The following SORBS2 variants were observed in gnomAD, a reference collection of about 807,000 sequenced individuals.
SORBS2 encodes the protein sorbin and SH3 domain containing 2, also known as sorbin and SH3 domain-containing protein 2.
A neutral mutation model predicts 97.7 loss-of-function variants in SORBS2; 46 were observed. That is an observed-to-expected ratio of 0.47 (90% confidence interval 0.37 to 0.60). The LOEUF (loss-of-function observed/expected upper bound fraction) is 0.60. Ranked by LOEUF, SORBS2 falls within the 20% of genes least tolerant of loss-of-function variation. SORBS2 has a pLI of 0.00. For missense variants in SORBS2, 1,316 were observed against 1,282.3 expected (o/e 1.03, Z -0.40); for synonymous variants, 476 against 473.4 (o/e 1.01, Z -0.07).
chr4:185,659,998 C>G (rs978691346), upstream of SORBS2, among the ~76,000 whole-genome samples: 2 of 152,156 alleles, frequency 1.3e-5, no homozygotes, highest in African/African-American at 4.8e-5. Flanking sequence ...GTCATCTTAG[C>G]AATCTTTTGT....
At chr4:185,718,248 A>C (rs2098482752) in intron 2 of SORBS2, among the ~76,000 whole-genome samples, 1 of 152,246 alleles carries the variant, frequency 6.6e-6, no homozygotes, top group Admixed American at 6.5e-5. Context: ...AAAAGAAAAT[A>C]TGTAATATAC....
At chr4:185,752,931 T>C (rs1157478738) in intron 2 of SORBS2, among the ~76,000 whole-genome samples, 3 of 152,234 alleles carry the variant, frequency 2.0e-5, no homozygotes, top group Non-Finnish European at 4.4e-5. Flanking sequence ...TTCACAATAG[T>C]TGATCTTTAA....
At chr4:185,654,999 A>C (rs2097373859) in intron 1 of SORBS2, among the ~76,000 whole-genome samples, 1 of 152,188 alleles carries the variant, frequency 6.6e-6, no homozygotes, top group African/African-American at 2.4e-5. Flanking sequence ...ATACTCAAAC[A>C]AGTGTTATAT....
chr4:185,830,557 A>G (rs894161948), intron 1 of SORBS2, among the ~76,000 whole-genome samples: 1 of 152,230 alleles, frequency 6.6e-6, no homozygotes, highest in Non-Finnish European at 1.5e-5. Flanking sequence ...AAGTGCAACC[A>G]AATTAAGAAA....
chr4:185,632,625 G>T (rs941424562), intron 4 of SORBS2, among the ~76,000 whole-genome samples: 3 of 152,178 alleles, frequency 2.0e-5, no homozygotes, highest in Non-Finnish European at 4.4e-5. Context: ...CACGGCTTTC[G>T]TGGGACACCC....
chr4:185,635,377 T>C (rs1251341130), intron 4 of SORBS2: 3 of 1,613,608 alleles, frequency 1.9e-6, no homozygotes, highest in East Asian at 2.2e-5. Context: ...ACCAGAAGAA[T>C]GATCTTGAAC....
At chr4:185,611,528 CTCTT>C (rs1204328388) in intron 12 of SORBS2, among the ~76,000 whole-genome samples, 1 of 152,066 alleles carries the variant, frequency 6.6e-6, no homozygotes, top group Non-Finnish European at 1.5e-5. Flanking sequence ...CTCTCGTTTT[CTCTT>C]TCTCTTTCGA....
At chr4:185,840,020 A>G (rs912529507) in intron 1 of SORBS2, among the ~76,000 whole-genome samples, 3 of 152,052 alleles carry the variant, frequency 2.0e-5, no homozygotes, top group Non-Finnish European at 2.9e-5. Flanking sequence ...GTGGAAAGAG[A>G]GGAGAGGAGC....
rs115624574 is a variant in SORBS2, at chr4:185,759,302, G to A, written c.-198+15925C>T. ...AGGATTTTCCAATTACCAACCAGAAGGAGTTGCTTGCTCTTGCCTCAGTGA... is the reference window on the plus strand; with the variant it reads ...AGGATTTTCCAATTACCAACCAGAAAGAGTTGCTTGCTCTTGCCTCAGTGA... On this transcript the variant is annotated intron_variant, in intron 2 of 20. Transcript: ENST00000284776. 1.5e-3 allele frequency among the ~76,000 whole-genome samples: 230 copies of A among 152,320 alleles called. 1 individual carries two copies. The highest frequency in any genetic ancestry group is 3.6e-3 in the African/African-American group (150 of 41,580).
At chr4:185,612,125 A>G (rs893393043) in intron 11 of SORBS2, 145 bp from the exon 24 acceptor site, 1 of 618,866 alleles carries the variant, frequency 1.6e-6, no homozygotes, top group Admixed American at 2.8e-5. Context: ...GAGGGCAAGT[A>G]AGGTACTAGT....
intron 4 of SORBS2, among the ~76,000 whole-genome samples, chr4:185,674,358 G>A (rs2097763334): frequency 6.6e-6 from 1 of 152,072 alleles, no homozygotes. Flanking sequence ...CTGTTTGCTT[G>A]ACTTTCAAAA....
At chr4:185,868,436 A>G (rs770971325) in intron 1 of SORBS2, among the ~76,000 whole-genome samples, 14 of 151,808 alleles carry the variant, frequency 9.2e-5, no homozygotes, top group South Asian at 4.2e-4. Flanking sequence ...GATTACAGGC[A>G]TGAGCCACCG....
chr4:185,692,422 T>C (rs1027809821), intron 2 of SORBS2, among the ~76,000 whole-genome samples: 3 of 152,240 alleles, frequency 2.0e-5, no homozygotes, highest in African/African-American at 7.2e-5. Flanking sequence ...TAAAGATTTT[T>C]TAGTCTCTAA....
intron 1 of SORBS2, among the ~76,000 whole-genome samples, chr4:185,864,544 G>T (rs1360986199): frequency 6.6e-6 from 1 of 152,184 alleles, no homozygotes; most frequent in East Asian, 1.9e-4. Flanking sequence ...TAATTTTAAA[G>T]ATTTGGGAAG....
chr4:185,728,290 T>C (rs1198255351), intron 2 of SORBS2, among the ~76,000 whole-genome samples: 1 of 152,102 alleles, frequency 6.6e-6, no homozygotes, highest in Non-Finnish European at 1.5e-5. Context: ...CTACCGTCTG[T>C]TACTTAGGCA....
In SORBS2 at chr4:185,623,616, C is replaced by G. The variant is rs1335019075; in HGVS notation, c.1513G>C (p.Asp505His). 6.2e-7 allele frequency: 1 copy of G among 1,614,092 alleles called. No homozygotes were observed. Among genetic ancestry groups the G allele is most frequent in the East Asian group, 2.2e-5 (1 of 44,860 alleles). ...TCACTGTGGTCGGACACAACCCCGT[C>G]CTGGTCGCTGTCGGAAAACTCCACG... The change falls in exon 7 of 15, where the codon GAC becomes CAC. Residue 505 changes from aspartate to histidine, a missense_variant. Coordinates refer to ENST00000418609, the Ensembl canonical transcript of SORBS2. This position sits in a 1 kb window ranked among gnomAD's most constrained non-coding sequence, Gnocchi z 6.4.
At chr4:185,642,538 T>G (rs1045075076) in intron 4 of SORBS2, among the ~76,000 whole-genome samples, 2 of 152,198 alleles carry the variant, frequency 1.3e-5, no homozygotes, top group Non-Finnish European at 2.9e-5. Flanking sequence ...GAAATACGGT[T>G]CTGATTTGTG....
intron 1 of SORBS2, among the ~76,000 whole-genome samples, chr4:185,832,685 C>G (rs576248401): frequency 3.4e-4 from 52 of 152,260 alleles, no homozygotes; most frequent in African/African-American, 1.2e-3. Context: ...ACAGTTGTAA[C>G]TTTTTTCTGA....
At chr4:185,863,784 A>G (rs2099225254) in intron 1 of SORBS2, among the ~76,000 whole-genome samples, 1 of 152,204 alleles carries the variant, frequency 6.6e-6, no homozygotes, top group South Asian at 2.1e-4. Flanking sequence ...ATTTTTATTA[A>G]TCTATCAAAT....
Sources: allele counts gnomAD v4.1 joint callset (sites outside exome capture counted in the v4.1 genomes callset), GRCh38; gene constraint gnomAD v4.1.1; non-coding constraint Gnocchi (gnomAD v3.1); transcripts MANE v1.5; gene names NCBI Gene and HGNC (gene_info 2026-07-23, HGNC 2026-07-21).